The following PIBF1 variants were observed in gnomAD, a reference collection of about 807,000 sequenced individuals.
PIBF1 encodes progesterone immunomodulatory binding factor 1.
In PIBF1, 90 loss-of-function variants were observed where a neutral mutation model predicts 112.5. The ratio of observed to expected loss-of-function variants is 0.80; its 90% CI spans 0.67 to 0.95. PIBF1 has a LOEUF of 0.95. PIBF1 is among the 40% of genes least tolerant of loss of function. The pLI, the probability that PIBF1 is intolerant of heterozygous loss-of-function variation, is 0.00. For missense variants in PIBF1, 915 were observed against 852.3 expected (o/e 1.07, Z -0.92); for synonymous variants, 301 against 288.6 (o/e 1.04, Z -0.44).
At chr13:72,938,174 G>A (rs1233097228) in intron 14 of PIBF1, among the ~76,000 whole-genome samples, 2 of 152,110 alleles carry the variant, frequency 1.3e-5, no homozygotes, top group South Asian at 2.1e-4. Context: ...CCATTTAAGA[G>A]TTTACTTTTT....
chr13:72,807,841 A>G lies in PIBF1; in HGVS notation c.672+9815A>G, dbSNP rs572259618. ...TTGCCATTTTATTATAGAAATTTTCAAACGTAACTTGAATTTCACAATGAC... is the reference window on the plus strand; with the variant it reads ...TTGCCATTTTATTATAGAAATTTTCGAACGTAACTTGAATTTCACAATGAC... On this transcript the variant is annotated intron_variant, in intron 5 of 17. Transcript: ENST00000326291. Among the ~76,000 whole-genome samples the G allele has an allele frequency of 6.4e-4, 98 of 152,352 alleles. 1 individual carries two copies. The highest frequency in any genetic ancestry group is 2.4e-3 in the African/African-American group (98 of 41,584).
At chr13:72,964,369 G>A (rs2042684607) in intron 14 of PIBF1, among the ~76,000 whole-genome samples, 1 of 152,204 alleles carries the variant, frequency 6.6e-6, no homozygotes, top group Admixed American at 6.5e-5. Flanking sequence ...TGGGTACAGA[G>A]TTTCCATATG....
At position 72,835,280 on chromosome 13, in the gene PIBF1, G is replaced by GATGAACTAGAACAA; in HGVS notation, c.1138_1151dup (p.Ile384MetfsTer3). On this transcript the variant is annotated frameshift_variant, in exon 9 of 18. Coordinates refer to ENST00000326291, the MANE Select transcript of PIBF1 (RefSeq NM_006346.4). LOFTEE classifies it high-confidence loss of function. ...AACAGAATATGAAAATAAACTACATGATGAACTAGAACAAATCAGATTGAA... is the reference window on the plus strand; with the variant it reads ...AACAGAATATGAAAATAAACTACATGATGAACTAGAACAAATGAACTAGAACAAATCAGATTGAA... The GATGAACTAGAACAA allele has an allele frequency of 6.3e-7, 1 of 1,585,376 alleles. No homozygotes were observed. The highest frequency in any genetic ancestry group is 8.6e-7 in the Non-Finnish European group (1 of 1,167,310).
At chr13:72,864,983 G>A (rs995299272) in intron 10 of PIBF1, among the ~76,000 whole-genome samples, 3 of 152,028 alleles carry the variant, frequency 2.0e-5, no homozygotes, top group Non-Finnish European at 4.4e-5. Flanking sequence ...TACTTCAGTG[G>A]TGTAGTCATC....
At chr13:72,920,202 T>A in intron 13 of PIBF1, among the ~76,000 whole-genome samples, 1 of 152,320 alleles carries the variant, frequency 6.6e-6, no homozygotes, top group East Asian at 1.9e-4. Context: ...ATTCTAAAGA[T>A]TCTATCACTG....
intron 9 of PIBF1, chr13:72,836,241 C>T (rs960193896): frequency 3.5e-5 from 12 of 341,648 alleles, no homozygotes; most frequent in South Asian, 7.2e-5. Context: ...ATTTTTATAC[C>T]GTTATTATAG....
chr13:72,995,040 A>C (rs1195413729), intron 16 of PIBF1, among the ~76,000 whole-genome samples: 1 of 152,104 alleles, frequency 6.6e-6, no homozygotes, highest in East Asian at 1.9e-4. Context: ...GGTGGCTCAC[A>C]CCTGTAATCC....
At chr13:72,832,314 T>C (rs1050683840) in intron 8 of PIBF1, among the ~76,000 whole-genome samples, 3 of 152,078 alleles carry the variant, frequency 2.0e-5, no homozygotes, top group Admixed American at 6.5e-5. Context: ...ATTATGATGC[T>C]AGCTGGTTGT....
intron 5 of PIBF1, among the ~76,000 whole-genome samples, chr13:72,809,365 A>G (rs139412275): frequency 1.2e-4 from 18 of 151,916 alleles, no homozygotes; most frequent in African/African-American, 3.9e-4. Context: ...GTTCCATAAT[A>G]TGTATTCAGA....
intron 5 of PIBF1, among the ~76,000 whole-genome samples, chr13:72,821,482 A>T (rs2036554841): frequency 6.6e-6 from 1 of 152,188 alleles, no homozygotes. Context: ...AATCCTCAAG[A>T]ACAGGAAGTG....
chr13:72,915,400 A>G (rs1177121792), intron 12 of PIBF1, among the ~76,000 whole-genome samples: 1 of 152,206 alleles, frequency 6.6e-6, no homozygotes, highest in Admixed American at 6.5e-5. Flanking sequence ...CTTTAGTAGC[A>G]TTGACCAAGT....
At chr13:72,888,063 GT>G (rs2039924862) in intron 10 of PIBF1, among the ~76,000 whole-genome samples, 1 of 152,080 alleles carries the variant, frequency 6.6e-6, no homozygotes, top group Non-Finnish European at 1.5e-5. Flanking sequence ...TCAAAGAGAA[GT>G]TTTTGTTTTT....
chr13:72,851,746 C>T (rs1306781664), intron 9 of PIBF1, among the ~76,000 whole-genome samples: 2 of 152,202 alleles, frequency 1.3e-5, no homozygotes, highest in Non-Finnish European at 2.9e-5. Flanking sequence ...CCATTGCCAC[C>T]TATGGACCAA....
At chr13:72,885,755 T>C (rs1415468680) in intron 10 of PIBF1, among the ~76,000 whole-genome samples, 1 of 152,134 alleles carries the variant, frequency 6.6e-6, no homozygotes, top group East Asian at 1.9e-4. Flanking sequence ...CATCTAGAGT[T>C]CTTAGAAGTT....
At chr13:72,822,578 A>G (rs1164618526) in intron 6 of PIBF1, among the ~76,000 whole-genome samples, 2 of 152,228 alleles carry the variant, frequency 1.3e-5, no homozygotes, top group Non-Finnish European at 2.9e-5. Context: ...ACTAAGATCA[A>G]ATAAATATGA....
At chr13:72,866,795 T>A (rs2138402246) in intron 10 of PIBF1, among the ~76,000 whole-genome samples, 1 of 152,330 alleles carries the variant, frequency 6.6e-6, no homozygotes, top group East Asian at 1.9e-4. Flanking sequence ...GACTATTTCA[T>A]GTTTTATTTT....
intron 14 of PIBF1, among the ~76,000 whole-genome samples, chr13:72,957,321 A>G (rs1435783083): frequency 6.6e-6 from 1 of 152,360 alleles, no homozygotes; most frequent in Middle Eastern, 3.4e-3. Flanking sequence ...ATACCATGGA[A>G]TATTACTCAG....
chr13:72,811,359 C>CTG (rs2138062721), intron 5 of PIBF1, among the ~76,000 whole-genome samples: 1 of 152,232 alleles, frequency 6.6e-6, no homozygotes, highest in South Asian at 2.1e-4. Context: ...TACCAGCACT[C>CTG]TGGGAGCCCA....
At chr13:72,854,710 T>C (rs2138327119) in intron 10 of PIBF1, among the ~76,000 whole-genome samples, 1 of 152,338 alleles carries the variant, frequency 6.6e-6, no homozygotes, top group Admixed American at 6.5e-5. Context: ...TTATCTTGGC[T>C]AAATACCTAG....
Sources: gnomAD v4.1 joint callset for allele counts (sites outside exome capture counted in the v4.1 genomes callset) on GRCh38, gnomAD v4.1.1 for gene constraint, MANE v1.5 for transcripts, NCBI Gene and HGNC (gene_info 2026-07-23, HGNC 2026-07-21) for gene names.